Variants in PNKP observed in about 807,000 individuals in gnomAD.
The protein encoded by PNKP is polynucleotide kinase 3'-phosphatase.
In PNKP, 82 loss-of-function variants were observed where a neutral mutation model predicts 66.2. The observed-to-expected ratio is 1.24, with a 90% CI of 1.04 to 1.49. The LOEUF (loss-of-function observed/expected upper bound fraction) is 1.49. Among genes scored for constraint, PNKP ranks in the 40% most tolerant of loss-of-function variants. PNKP has a pLI of 0.00. For missense variants in PNKP, 907 were observed against 706.8 expected, an observed-to-expected ratio of 1.28 and a Z score of -3.21; for synonymous variants, 412 against 298.9, an observed-to-expected ratio of 1.38 and a Z score of -3.90.
chr19:49,861,837 T>C lies in PNKP; in HGVS notation c.1233A>G (p.Thr411=), dbSNP rs1057522305. ...CGACCCGTTTCCCTTGCTTCAGGGC[T>C]GTCTCACACGTGGTCACACAGCGCT... ...SWQRCVTTCE[T]ALKQGKRVAI... is the part of the protein sequence containing the mutation. The change falls in exon 14 of 17, where the codon ACA becomes ACG. Residue 411 remains threonine (T), a synonymous_variant. Coordinates refer to ENST00000322344, the MANE Select transcript of PNKP (RefSeq NM_007254.4). 3.8e-6 allele frequency: 6 copies of C among 1,593,378 alleles called. No homozygotes were observed. Among genetic ancestry groups the C allele is most frequent in the East Asian group, 4.6e-5 (2 of 43,646 alleles).
Position 49,867,449 on chromosome 19 carries a change from C to A in PNKP, c.-14+20G>T. On this transcript the variant is annotated intron_variant, in intron 1 of 16. Coordinates refer to ENST00000322344, the MANE Select transcript of PNKP (RefSeq NM_007254.4). The stretch of plus-strand genomic sequence containing the variant: ...CAGGCAGAGAGCCTCGCACATGCCT[C>A]CGCCCCGCCCCGTACTCACCCGGGA... 1 of 572,776 alleles carries A rather than the reference C, an allele frequency of 1.7e-6. No homozygotes were observed. Among genetic ancestry groups the A allele is most frequent in the East Asian group, 2.9e-5 (1 of 33,974 alleles). The allele number at this position is 572,776 out of a possible 1,614,324, so 35.5% of individuals were successfully genotyped here. A position where few individuals can be genotyped will look rare whatever the true frequency, so the allele number is the denominator to read the frequency against.
chr19:49,862,828 C>T lies in PNKP; in HGVS notation c.817-90G>A, dbSNP rs1179385839. 2.2e-6 allele frequency: 3 copies of T among 1,367,704 alleles called. No homozygotes were observed. The African/African-American group carries it at 4.3e-5, about 20-fold the overall frequency. 84.7% of individuals were successfully genotyped at this position (1,367,704 alleles called of 1,614,324 possible). A position where few individuals can be genotyped will look rare whatever the true frequency, so the allele number is the denominator to read the frequency against. ...TGGGGCTGCTTCGCCTGGTCTGTGC[C>T]CCACATCAGGAATCATCCCCCGACC... On this transcript the variant is annotated intron_variant, in intron 8 of 16. Coordinates refer to ENST00000322344, the MANE Select transcript of PNKP (RefSeq NM_007254.4).
chr19:49,865,350 G>A lies in PNKP; in HGVS notation c.275C>T (p.Thr92Ile), dbSNP rs780440711. ...GLEGSLGVGD[T>I]LYLVNGLHPL... Reference sequence around the variant, plus strand: ...GTGGAGGCCATTGACCAAATACAGTGTGTCCCCCACCCCCAGAGAGCCCTC... The same window carrying A: ...GTGGAGGCCATTGACCAAATACAGTATGTCCCCCACCCCCAGAGAGCCCTC... The change falls in exon 4 of 17, where the codon ACA (threonine) becomes ATA (isoleucine). Residue 92 changes from threonine to isoleucine, a missense_variant. By Grantham distance (89) the Thr-to-Ile change is moderately conservative (BLOSUM62 -1). Transcript: ENST00000322344. 1.5e-5 allele frequency: 24 copies of A among 1,613,576 alleles called. No homozygotes were observed. The highest frequency in any genetic ancestry group is 1.7e-4 in the Middle Eastern group (1 of 6,014).
chr19:49,863,774 G>A lies in PNKP; in HGVS notation c.745-14C>T. 1.3e-6 allele frequency: 2 copies of A among 1,555,530 alleles called. No individual in the cohort carries two copies. The highest frequency in any genetic ancestry group is 1.7e-6 in the Non-Finnish European group (2 of 1,148,776). On this transcript the variant is annotated splice_polypyrimidine_tract_variant and intron_variant, in intron 7 of 16. Coordinates refer to ENST00000322344, the MANE Select transcript of PNKP (RefSeq NM_007254.4). ...GGCCACCAGCACCTGTGGATGGGAGGGGGCCACCAGCTTTAGCTCCCCCTC... is the reference window on the plus strand; with the variant it reads ...GGCCACCAGCACCTGTGGATGGGAGAGGGCCACCAGCTTTAGCTCCCCCTC...
intron 2 of PNKP, chr19:49,866,823 A>C (rs2074824003): frequency 8.2e-6 from 5 of 607,826 alleles, no homozygotes; most frequent in Non-Finnish European, 1.5e-5. Context: ...TGGCCTGAGC[A>C]TCATCCGCGC....
chr19:49,863,593 G>C (rs961454295), intron 8 of PNKP, 96 bp downstream of exon 8: 2 of 840,152 alleles, frequency 2.4e-6, no homozygotes, highest in African/African-American at 3.4e-5. Flanking sequence ...AGAGAGGACA[G>C]AGGAGTAAGG....
Position 49,862,122 on chromosome 19 carries a change from G to C in PNKP, c.1127-17C>G. 1 of 1,614,150 alleles carries C rather than the reference G, an allele frequency of 6.2e-7. No homozygotes were observed. Among genetic ancestry groups the C allele is most frequent in the South Asian group, 1.1e-5 (1 of 91,088 alleles). On this transcript the variant is annotated splice_polypyrimidine_tract_variant and intron_variant, in intron 12 of 16. Coordinates refer to ENST00000322344, the MANE Select transcript of PNKP (RefSeq NM_007254.4). ...ACTTCCCGGCTGTGTGGGGGGCAGT[G>C]TCGGTGGGTGGCCTAGGACCCAGGC... is the stretch of plus-strand genomic sequence containing the variant.
chr19:49,865,172 C>A lies in PNKP; in HGVS notation c.453G>T (p.Glu151Asp). The A allele has an allele frequency of 1.2e-6, 2 of 1,614,248 alleles. No individual in the cohort carries two copies. The highest frequency in any genetic ancestry group is 1.7e-6 in the Non-Finnish European group (2 of 1,180,034). The part of the protein sequence containing the change: ...RKSNPGWENL[E>D]KLLVFTAAGV... Reference sequence around the variant, plus strand: ...CAGCTGCGGTGAACACTAGCAACTTCTCCAAGTTCTCCCAGCCGGGGTTTG... The same window carrying A: ...CAGCTGCGGTGAACACTAGCAACTTATCCAAGTTCTCCCAGCCGGGGTTTG... The change falls in exon 4 of 17, where the codon GAG becomes GAT. Residue 151 changes from glutamate (E) to aspartate (D), a missense_variant. Transcript: ENST00000322344.
Position 49,862,111 on chromosome 19 carries a change from T to C in PNKP, c.1127-6A>G. The C allele has an allele frequency of 6.2e-7, 1 of 1,614,038 alleles. No individual in the cohort carries two copies. Among genetic ancestry groups the C allele is most frequent in the Non-Finnish European group, 8.5e-7 (1 of 1,179,958 alleles). ...GAGAAAGGTGGACTTCCCGGCTGTG[T>C]GGGGGGCAGTGTCGGTGGGTGGCCT... On this transcript the variant is annotated splice_polypyrimidine_tract_variant and splice_region_variant and intron_variant, in intron 12 of 16. Coordinates refer to ENST00000322344, the MANE Select transcript of PNKP (RefSeq NM_007254.4).
Position 49,861,512 on chromosome 19 carries a change from T to G in PNKP, c.1387-2A>C. 6.5e-7 allele frequency: 1 copy of G among 1,546,202 alleles called. No individual in the cohort carries two copies. Among genetic ancestry groups the G allele is most frequent in the Non-Finnish European group, 8.7e-7 (1 of 1,146,418 alleles). Reference sequence around the variant, plus strand: ...AGAGGAGTCCGTCATCTCTCGAAACTGTGGGGAACATCAGAGGGGCGGCAG... The same window carrying G: ...AGAGGAGTCCGTCATCTCTCGAAACGGTGGGGAACATCAGAGGGGCGGCAG... On this transcript the variant is annotated splice_acceptor_variant, in intron 15 of 16. Transcript: ENST00000322344. LOFTEE classifies it high-confidence loss of function.
In PNKP at chr19:49,865,420, C is replaced by T; in HGVS notation, c.205G>A (p.Val69Ile). ...TRTVAVKQLG[V>I]NPSTTGTQEL... is the part of the protein sequence containing the mutation. ...TGGGTCCCGGTAGTTGAGGGGTTAA[C>T]TCCCAGCTGCAGAAAGAGAGGGAGG... The change falls in exon 4 of 17, where the codon GTT becomes ATT. Residue 69 changes from valine (V) to isoleucine (I), a missense_variant. Coordinates refer to ENST00000322344, the MANE Select transcript of PNKP (RefSeq NM_007254.4). The T allele has an allele frequency of 6.2e-7, 1 of 1,603,536 alleles. No homozygotes were observed. Among genetic ancestry groups the T allele is most frequent in the Non-Finnish European group, 8.5e-7 (1 of 1,174,856 alleles).
At position 49,865,142 on chromosome 19, in the gene PNKP, C is replaced by T. The variant is rs766200823; in HGVS notation, c.483G>A (p.Val161=). 1.2e-6 allele frequency: 2 copies of T among 1,613,756 alleles called. No homozygotes were observed. The highest frequency in any genetic ancestry group is 1.1e-5 in the South Asian group (1 of 91,082). The change falls in exon 4 of 17, where the codon GTG becomes GTA. Residue 161 remains valine, a synonymous_variant. Transcript: ENST00000322344. The stretch of plus-strand genomic sequence containing the variant: ...TGGCCCTCACCTTGCCCTGGGGTTT[C>T]ACCCCAGCTGCGGTGAACACTAGCA... ...EKLLVFTAAG[V]KPQGKVAGFD...
At chr19:49,865,021 A>T (rs2074807463) in intron 4 of PNKP, 106 bp downstream of exon 4, 1 of 865,334 alleles carries the variant, frequency 1.2e-6, no homozygotes. Flanking sequence ...CATTAGGCCC[A>T]TTTCTCAGAA....
Position 49,862,355 on chromosome 19 carries a change from C to G in PNKP, c.1029+16G>C. 2.6e-6 allele frequency: 4 copies of G among 1,540,398 alleles called. No homozygotes were observed. Among genetic ancestry groups the G allele is most frequent in the Non-Finnish European group, 3.5e-6 (4 of 1,139,416 alleles). On this transcript the variant is annotated intron_variant, in intron 11 of 16. Coordinates refer to ENST00000322344, the MANE Select transcript of PNKP (RefSeq NM_007254.4). ...GCCCTCCCATCCCCACCCCCACCCC[C>G]GCCCCAGGGCCTCACCGGATCAAAG...
chr19:49,861,355 C>T lies in PNKP; in HGVS notation c.1459G>A (p.Glu487Lys). ...MVMYGYRKQFEAPTLAEGFSA... is the reference protein window; with the variant it reads ...MVMYGYRKQFKAPTLAEGFSA... The stretch of plus-strand genomic sequence containing the variant: ...AAGCCTTCAGCCAGCGTTGGGGCCT[C>T]GAACTGCTTCCTGGCAGTGGTGGGA... Residue 487 changes from glutamate to lysine, a missense_variant, in exon 17 of 17, where the codon GAG becomes AAG. Glu to Lys is a moderately conservative substitution (Grantham distance 56). Coordinates refer to ENST00000322344, the MANE Select transcript of PNKP (RefSeq NM_007254.4). The T allele has an allele frequency of 6.8e-6, 11 of 1,614,138 alleles. No homozygotes were observed. The highest frequency in any genetic ancestry group is 7.6e-6 in the Non-Finnish European group (9 of 1,179,990).
intron 8 of PNKP, 88 bp from the exon 9 acceptor site, chr19:49,862,826 GC>G: frequency 7.2e-7 from 1 of 1,383,848 alleles, no homozygotes; most frequent in Non-Finnish European, 1.0e-6. Context: ...CCTGGTCTGT[GC>G]CCCACATCAG....
chr19:49,861,364 T>A lies in PNKP; in HGVS notation c.1450A>T (p.Lys484Ter). 6.2e-7 allele frequency: 1 copy of A among 1,614,008 alleles called. No homozygotes were observed. Among genetic ancestry groups the A allele is most frequent in the Non-Finnish European group, 8.5e-7 (1 of 1,179,864 alleles). ...GCCAGCGTTGGGGCCTCGAACTGCT[T>A]CCTGGCAGTGGTGGGAACAGTGAGG... ...VSDMVMYGYR[K>*]QFEAPTLAEG... Residue 484 changes from lysine to a stop codon, truncating the protein, a stop_gained and splice_region_variant, in exon 17 of 17, where the codon AAG becomes TAG. Transcript: ENST00000322344. LOFTEE classifies it low-confidence loss of function (END_TRUNC).
At position 49,861,285 on chromosome 19, in the gene PNKP, C is replaced by T; in HGVS notation, c.1529G>A (p.Arg510Lys). 1 of 1,613,840 alleles carries T rather than the reference C, an allele frequency of 6.2e-7. No homozygotes were observed. The highest frequency in any genetic ancestry group is 8.5e-7 in the Non-Finnish European group (1 of 1,179,808). ...EIPFRLWVEP[R>K]LGRLYCQFSE... ...GAACTGGCAGTACAGCCGCCCCAGC[C>T]TCGGCTCCACCCATAGCCGGAACGG... is the stretch of plus-strand genomic sequence containing the variant. The change falls in exon 17 of 17, where the codon AGG (arginine) becomes AAG (lysine). Residue 510 changes from arginine to lysine, a missense_variant. Coordinates refer to ENST00000322344, the MANE Select transcript of PNKP (RefSeq NM_007254.4).
Position 49,864,178 on chromosome 19 carries a change from C to A in PNKP, c.636+1G>T, listed in dbSNP as rs1247055716. On this transcript the variant is annotated splice_donor_variant, in intron 6 of 16. Coordinates refer to ENST00000322344, the MANE Select transcript of PNKP (RefSeq NM_007254.4). LOFTEE classifies it high-confidence loss of function. ...CCATGCAGACAGGCGGCTGCACATA[C>A]CTTGTAGCCCTCGGCTTCCAGCTCT... 1.1e-5 allele frequency: 18 copies of A among 1,613,924 alleles called. No individual in the cohort carries two copies. Among genetic ancestry groups the A allele is most frequent in the African/African-American group, 2.7e-5 (2 of 74,940 alleles).
Sources: gnomAD v4.1 joint callset for allele counts on GRCh38, gnomAD v4.1.1 for gene constraint, MANE v1.5 for transcripts, NCBI Gene and HGNC (gene_info 2026-07-23, HGNC 2026-07-21) for gene names.